ABCE1: variants seen among roughly 807,000 people sequenced by gnomAD.
ABCE1 encodes the protein ATP binding cassette subfamily E member 1.
A neutral mutation model predicts 83.4 loss-of-function variants in ABCE1; 22 were observed. The ratio of observed to expected loss-of-function variants is 0.26; its 90% CI spans 0.19 to 0.38. ABCE1 has a LOEUF of 0.38. Among genes scored for constraint, ABCE1 ranks in the 10% least tolerant of loss-of-function variants. ABCE1 has a pLI of 1.00. For missense variants in ABCE1, 330 were observed against 721.9 expected (o/e 0.46, Z 6.22); for synonymous variants, 204 against 233.7 (o/e 0.87, Z 1.16).
chr4:145,121,292 TG>T (rs1749737469), intron 12 of ABCE1, 40 bp from the exon 13 acceptor site: 1 of 1,612,224 alleles, frequency 6.2e-7, no homozygotes, highest in Admixed American at 1.7e-5. Flanking sequence ...TTTAAAGATC[TG>T]GGCAGTTTTT....
chr4:145,123,273 A>G lies in ABCE1; in HGVS notation c.1433A>G (p.Lys478Arg). The change falls in exon 15 of 18, where the codon AAA becomes AGA. Residue 478 changes from lysine to arginine, a missense_variant. Transcript: ENST00000296577. ...GTAGCTTTAGCCCTTTGCTTGGGCA[A>G]ACCTGCTGATGTCTATTTAATTGAT... ...QRVALALCLG[K>R]PADVYLIDEP... 1.2e-6 allele frequency: 2 copies of G among 1,612,870 alleles called. No individual in the cohort carries two copies. Among genetic ancestry groups the G allele is most frequent in the Non-Finnish European group, 1.7e-6 (2 of 1,179,650 alleles).
At chr4:145,105,842 G>C (rs532141618) in intron 3 of ABCE1, 152 bp downstream of exon 3, 33 of 450,990 alleles carry the variant, frequency 7.3e-5, no homozygotes, top group African/African-American at 6.3e-4. Flanking sequence ...TCTAATATCA[G>C]TGACATTGTT....
chr4:145,113,236 T>C (rs1749528358), intron 9 of ABCE1, among the ~76,000 whole-genome samples: 2 of 152,162 alleles, frequency 1.3e-5, no homozygotes, highest in Non-Finnish European at 2.9e-5. Context: ...GCTTTCTCAC[T>C]GAAAGGGCGA....
intron 1 of ABCE1, among the ~76,000 whole-genome samples, chr4:145,103,218 A>G (rs543395084): frequency 2.6e-5 from 4 of 152,302 alleles, no homozygotes; most frequent in Admixed American, 2.6e-4. Flanking sequence ...AAAAGACTTG[A>G]GATGTCTACA....
chr4:145,108,079 A>G lies in ABCE1; in HGVS notation c.254A>G (p.His85Arg). 1.2e-6 allele frequency: 2 copies of G among 1,613,676 alleles called. No individual in the cohort carries two copies. Among genetic ancestry groups the G allele is most frequent in the Non-Finnish European group, 8.5e-7 (1 of 1,179,716 alleles). Reference protein sequence around the residue: ...LPSNLEKETTHRYCANAFKLH... With the variant: ...LPSNLEKETTRRYCANAFKLH... The stretch of plus-strand genomic sequence containing the variant: ...AGCAACTTGGAAAAAGAAACCACAC[A>G]TCGATATTGTGCCAATGCCTTCAAA... The change falls in exon 4 of 18, where the codon CAT becomes CGT. Residue 85 changes from histidine (H) to arginine (R), a missense_variant. Physicochemically the swap from His to Arg is conservative, Grantham distance 29. Transcript: ENST00000296577.
At chr4:145,119,625 C>T (rs1049217670) in intron 10 of ABCE1, among the ~76,000 whole-genome samples, 22 of 151,728 alleles carry the variant, frequency 1.4e-4, no homozygotes, top group Non-Finnish European at 2.4e-4. Context: ...TTGTCATTTT[C>T]GCTTTAAAGA....
chr4:145,112,130 T>G, intron 8 of ABCE1, 109 bp from the exon 9 acceptor site: 1 of 689,196 alleles, frequency 1.5e-6, no homozygotes, highest in Non-Finnish European at 2.4e-6. Flanking sequence ...GAGATTTGTG[T>G]TGTGGTTAAC....
At chr4:145,119,635 A>G (rs1749688002) in intron 10 of ABCE1, among the ~76,000 whole-genome samples, 1 of 151,992 alleles carries the variant, frequency 6.6e-6, no homozygotes, top group South Asian at 2.1e-4. Flanking sequence ...CGCTTTAAAG[A>G]TAAAGCAAAA....
In ABCE1 at chr4:145,109,181, G is replaced by A; in HGVS notation, c.337G>A (p.Gly113Ser). Residue 113 changes from glycine to serine, a missense_variant, in exon 5 of 18, where the codon GGT becomes AGT. Coordinates refer to ENST00000296577, the MANE Select transcript of ABCE1 (RefSeq NM_002940.3). ...AGTTTTGGGATTAGTTGGAACTAAT[G>A]GTATTGGAAAGTCAACTGCTTTAAA... ...GEVLGLVGTN[G>S]IGKSTALKIL... is the part of the protein sequence containing the mutation. 6.2e-7 allele frequency: 1 copy of A among 1,612,878 alleles called. No homozygotes were observed. The highest frequency in any genetic ancestry group is 8.5e-7 in the Non-Finnish European group (1 of 1,179,556).
chr4:145,127,652 A>G lies in ABCE1; in HGVS notation c.*79A>G, dbSNP rs1041665379. ...TTTTTTGTCATATAAAACTTGAATC[A>G]GGATTTTATGCCCCACATACTCTGG... On this transcript the variant is annotated 3_prime_UTR_variant, in exon 18 of 18. Transcript: ENST00000296577. 9.0e-7 allele frequency: 1 copy of G among 1,105,648 alleles called. No individual in the cohort carries two copies. The highest frequency in any genetic ancestry group is 1.6e-5 in the African/African-American group (1 of 60,982). The allele number at this position is 1,105,648 out of a possible 1,614,324, so 68.5% of individuals were successfully genotyped here. A position where few individuals can be genotyped will look rare whatever the true frequency, so the allele number is the denominator to read the frequency against.
chr4:145,109,260 T>C lies in ABCE1; in HGVS notation c.405+11T>C. On this transcript the variant is annotated intron_variant, in intron 5 of 17. Coordinates refer to ENST00000296577, the MANE Select transcript of ABCE1 (RefSeq NM_002940.3). ...CTTGGAAAGTACGATGTATGTATTA[T>C]CACCTTGTAAAAATTAATATCATGA... The C allele has an allele frequency of 6.6e-7, 1 of 1,506,558 alleles. No individual in the cohort carries two copies. The allele number at this position is 1,506,558 out of a possible 1,614,324, so 93.3% of individuals were successfully genotyped here.
chr4:145,109,343 T>C lies in ABCE1; in HGVS notation c.405+94T>C, dbSNP rs1340714225. The stretch of plus-strand genomic sequence containing the variant: ...GTATATTTTTAAAATATTCTTATTT[T>C]CAAAATTATTTATGGAATTAATGCT... On this transcript the variant is annotated intron_variant, in intron 5 of 17. Coordinates refer to ENST00000296577, the MANE Select transcript of ABCE1 (RefSeq NM_002940.3). 5 of 637,536 alleles carry C rather than the reference T, an allele frequency of 7.8e-6. No individual in the cohort carries two copies. In the African/African-American group the frequency reaches 9.5e-5, roughly 12 times the overall value. The allele number at this position is 637,536 out of a possible 1,614,324, so 39.5% of individuals were successfully genotyped here. A position where few individuals can be genotyped will look rare whatever the true frequency, so the allele number is the denominator to read the frequency against.
intron 2 of ABCE1, among the ~76,000 whole-genome samples, chr4:145,105,394 G>T (rs531774031): frequency 1.8e-4 from 27 of 151,978 alleles, no homozygotes; most frequent in Non-Finnish European, 3.7e-4. Flanking sequence ...TCTCCCTGCT[G>T]CCAAACAAGG....
rs780703809 is a variant in ABCE1 at position 145,104,528 on chromosome 4, G to C, written c.103+13G>C. The stretch of plus-strand genomic sequence containing the variant: ...GTAGTTCGAATGGGTAAGCTGTTCT[G>C]TGGATCATTTAAGTATAAAAGAAAA... On this transcript the variant is annotated intron_variant, in intron 2 of 17. Transcript: ENST00000296577. 5 of 1,525,672 alleles carry C rather than the reference G, an allele frequency of 3.3e-6. 1 individual carries two copies. In the South Asian group the frequency reaches 6.1e-5, roughly 19 times the overall value. The allele number at this position is 1,525,672 out of a possible 1,614,324, so 94.5% of individuals were successfully genotyped here.
intron 1 of ABCE1, among the ~76,000 whole-genome samples, chr4:145,101,153 G>T: frequency 6.6e-6 from 1 of 152,158 alleles, no homozygotes; most frequent in East Asian, 1.9e-4. Context: ...TGAAGAGGCA[G>T]TTGGGTGTAT....
rs1383628818 is a variant in ABCE1, at chr4:145,128,702, T to C, written c.*1129T>C. On this transcript the variant is annotated 3_prime_UTR_variant, in exon 18 of 18. Coordinates refer to ENST00000296577, the MANE Select transcript of ABCE1 (RefSeq NM_002940.3). Reference sequence around the variant, plus strand: ...TGTACTTCTGACTAAACTGGAATTATGAGTGAGGAAGAGTGTTTACTAAAT... The same window carrying C: ...TGTACTTCTGACTAAACTGGAATTACGAGTGAGGAAGAGTGTTTACTAAAT... 6.6e-6 allele frequency: 1 copy of C among 152,194 alleles called. No homozygotes were observed. The highest frequency in any genetic ancestry group is 1.5e-5 in the Non-Finnish European group (1 of 68,036). 9.4% of individuals were successfully genotyped at this position (152,194 alleles called of 1,614,324 possible).
chr4:145,117,460 C>T, intron 10 of ABCE1, 46 bp downstream of exon 10: 1 of 1,578,006 alleles, frequency 6.3e-7, no homozygotes, highest in Non-Finnish European at 8.7e-7. Flanking sequence ...CTCTTCTACT[C>T]TAATGCTTAT....
At chr4:145,121,064 C>T (rs1224754533) in intron 11 of ABCE1, 110 bp from the exon 12 acceptor site, 3 of 954,714 alleles carry the variant, frequency 3.1e-6, no homozygotes, top group South Asian at 1.5e-5. Context: ...TCAATAATGT[C>T]AGTGTATATC....
chr4:145,101,336 A>G (rs1219158275), intron 1 of ABCE1, among the ~76,000 whole-genome samples: 1 of 152,216 alleles, frequency 6.6e-6, no homozygotes, highest in Non-Finnish European at 1.5e-5. Flanking sequence ...ACAAAGAGCC[A>G]ATGTAGCTGG....
Sources: gnomAD v4.1 joint callset for allele counts (sites outside exome capture counted in the v4.1 genomes callset) on GRCh38, gnomAD v4.1.1 for gene constraint, MANE v1.5 for transcripts, NCBI Gene and HGNC (gene_info 2026-07-23, HGNC 2026-07-21) for gene names.